INPP4B: variants seen among roughly 807,000 people sequenced by gnomAD.
The protein encoded by INPP4B is inositol polyphosphate 4-phosphatase type II.
INPP4B carries 55 observed loss-of-function variants against 122.5 expected under a neutral mutation model. That is an observed-to-expected ratio of 0.45 (90% CI 0.36 to 0.56). The LOEUF (loss-of-function observed/expected upper bound fraction) is 0.56, where lower values mean the gene tolerates loss of function less well. INPP4B is among the 20% of genes least tolerant of loss of function. The pLI is 0.00. For synonymous variants in INPP4B, 403 were observed against 388.7 expected (o/e 1.04, Z -0.43); for missense variants, 1,000 against 1,097.7 (o/e 0.91, Z 1.26).
At chr4:142,823,955 C>T (rs1484237683) in intron 1 of INPP4B, among the ~76,000 whole-genome samples, 1 of 152,134 alleles carries the variant, frequency 6.6e-6, no homozygotes, top group Non-Finnish European at 1.5e-5. Context: ...GATCGACCCT[C>T]ACCAATGTGA....
At chr4:142,467,432 C>T (rs113156230) in intron 2 of INPP4B, among the ~76,000 whole-genome samples, 4,658 of 152,178 alleles carry the variant, frequency 0.031, 270 homozygotes, top group African/African-American at 0.11. Flanking sequence ...TTGTGTGGGG[C>T]CTATTGCCCC....
At chr4:142,249,314 G>A (rs1398310730) in intron 11 of INPP4B, among the ~76,000 whole-genome samples, 1 of 151,890 alleles carries the variant, frequency 6.6e-6, no homozygotes. Flanking sequence ...GATTTGGCAT[G>A]GTAATTTGAG....
At chr4:142,270,153 C>A in intron 10 of INPP4B, among the ~76,000 whole-genome samples, 1 of 152,156 alleles carries the variant, frequency 6.6e-6, no homozygotes, top group East Asian at 1.9e-4. Flanking sequence ...TCCTCCAGAG[C>A]TATTCCTTCA....
At chr4:142,319,384 A>G (rs908581154) in intron 7 of INPP4B, among the ~76,000 whole-genome samples, 15 of 152,232 alleles carry the variant, frequency 9.9e-5, no homozygotes, top group African/African-American at 3.1e-4. Flanking sequence ...GTGTTACTCT[A>G]ATTCTCTATG....
intron 2 of INPP4B, among the ~76,000 whole-genome samples, chr4:142,489,822 A>C (rs1030120412): frequency 6.6e-6 from 1 of 152,178 alleles, no homozygotes; most frequent in Admixed American, 6.6e-5. Flanking sequence ...ATTAGAGTAC[A>C]TTCAAATGTA....
At chr4:142,170,787 C>G (rs981574204) in intron 16 of INPP4B, among the ~76,000 whole-genome samples, 4 of 151,672 alleles carry the variant, frequency 2.6e-5, no homozygotes, top group Non-Finnish European at 5.9e-5. Flanking sequence ...GTGTTTTATT[C>G]CATTTTTCTA....
intron 25 of INPP4B, chr4:142,029,563 C>A: frequency 1.0e-6 from 1 of 985,468 alleles, no homozygotes; most frequent in South Asian, 4.7e-5. Flanking sequence ...CAAATCAACC[C>A]AAACAAGAGA....
chr4:142,548,751 G>C (rs1307614900), intron 2 of INPP4B, among the ~76,000 whole-genome samples: 4 of 45,984 alleles, frequency 8.7e-5, no homozygotes, highest in Non-Finnish European at 1.5e-4. Flanking sequence ...AGATGTGTCT[G>C]TGTGTGTGTG....
At chr4:142,356,591 A>G (rs1367092892) in intron 7 of INPP4B, among the ~76,000 whole-genome samples, 1 of 151,898 alleles carries the variant, frequency 6.6e-6, no homozygotes, top group African/African-American at 2.4e-5. Flanking sequence ...TACAAATAAC[A>G]TATTTGGTTT....
intron 2 of INPP4B, among the ~76,000 whole-genome samples, chr4:142,566,960 T>C (rs888243612): frequency 6.6e-6 from 1 of 152,084 alleles, no homozygotes; most frequent in Non-Finnish European, 1.5e-5. Flanking sequence ...CCTTGTAAGG[T>C]TTTTGATAGT....
intron 5 of INPP4B, among the ~76,000 whole-genome samples, chr4:142,420,360 C>A (rs1279943235): frequency 6.6e-6 from 1 of 152,016 alleles, no homozygotes; most frequent in Non-Finnish European, 1.5e-5. Context: ...GTCTTATATA[C>A]TTCTCATTTA....
chr4:142,553,258 C>T (rs1560791691), intron 2 of INPP4B, among the ~76,000 whole-genome samples: 2 of 152,114 alleles, frequency 1.3e-5, no homozygotes, highest in Non-Finnish European at 2.9e-5. Context: ...CTTTCATTTT[C>T]ACCTCTACAC....
chr4:142,542,183 G>A (rs1829015913), intron 2 of INPP4B, among the ~76,000 whole-genome samples: 1 of 152,170 alleles, frequency 6.6e-6, no homozygotes, highest in South Asian at 2.1e-4. Context: ...CCCTTTGGAT[G>A]CTCTATCTCC....
intron 2 of INPP4B, among the ~76,000 whole-genome samples, chr4:142,471,753 TCCTGAGCACCCGCAATCCAAG>T (rs201566411): frequency 0.053 from 8,000 of 151,806 alleles, 247 homozygotes; most frequent in East Asian, 0.12. Context: ...GGGTTGGAGC[TCCTGAGCACCCGCAATCCAAG>T]CCTGAGCACC....
intron 25 of INPP4B, among the ~76,000 whole-genome samples, chr4:142,080,314 G>A (rs1773229960): frequency 6.6e-6 from 1 of 152,050 alleles, no homozygotes; most frequent in Admixed American, 6.6e-5. Context: ...AGAGGGAAAT[G>A]AAGGCAGTTA....
At chr4:142,042,655 C>G (rs900498560) in intron 25 of INPP4B, among the ~76,000 whole-genome samples, 1 of 152,064 alleles carries the variant, frequency 6.6e-6, no homozygotes, top group Non-Finnish European at 1.5e-5. Context: ...CTCCGCCTCC[C>G]GGGTTCAAGC....
intron 7 of INPP4B, among the ~76,000 whole-genome samples, chr4:142,352,819 T>C (rs1412027459): frequency 6.6e-6 from 1 of 152,036 alleles, no homozygotes; most frequent in Non-Finnish European, 1.5e-5. Flanking sequence ...CTGTACTTAT[T>C]ACTGAATACA....
chr4:142,752,695 A>T (rs1021185715), intron 1 of INPP4B, among the ~76,000 whole-genome samples: 1 of 152,060 alleles, frequency 6.6e-6, no homozygotes. Flanking sequence ...AATTCTTCAC[A>T]TAGCATCGTA....
At chr4:142,643,585 T>G (rs764915606) in intron 2 of INPP4B, among the ~76,000 whole-genome samples, 37 of 152,108 alleles carry the variant, frequency 2.4e-4, no homozygotes, top group Non-Finnish European at 3.5e-4. Context: ...TTTTCTATAT[T>G]TTGCTATATT....
Sources: allele counts gnomAD v4.1 joint callset (sites outside exome capture counted in the v4.1 genomes callset), GRCh38; gene constraint gnomAD v4.1.1; transcripts MANE v1.5; gene names NCBI Gene and HGNC (gene_info 2026-07-23, HGNC 2026-07-21).